Variants in ANK3 observed in about 807,000 individuals in gnomAD.
The protein encoded by ANK3 is ankyrin-3.
ANK3 carries 57 observed loss-of-function variants against 370.9 expected under a neutral mutation model. The ratio of observed to expected loss-of-function variants is 0.15; its 90% CI spans 0.12 to 0.19. The LOEUF is 0.19. ANK3 is among the 10% of genes least tolerant of loss of function. The pLI is 1.00. For missense variants in ANK3, 4,439 were observed against 5,302.1 expected (o/e 0.84, Z 5.06); for synonymous variants, 1,929 against 1,946.3 (o/e 0.99, Z 0.23).
intron 1 of ANK3, among the ~76,000 whole-genome samples, chr10:60,378,552 G>A (rs750390941): frequency 6.6e-6 from 1 of 152,156 alleles, no homozygotes. Flanking sequence ...CATATCTACA[G>A]CCAACTGATT....
At position 60,083,485 on chromosome 10, in the gene ANK3, G is replaced by A. The variant is rs747585527; in HGVS notation, c.4200+7C>T. 8.1e-6 allele frequency: 13 copies of A among 1,607,784 alleles called. No individual in the cohort carries two copies. Among genetic ancestry groups the A allele is most frequent in the Non-Finnish European group, 1.7e-6 (2 of 1,177,066 alleles). On this transcript the variant is annotated splice_region_variant and intron_variant, in intron 33 of 43. Transcript: ENST00000280772. The stretch of plus-strand genomic sequence containing the variant: ...AATTCACAGATTCTCTGTTAAAGAT[G>A]ATTTACCTTGATGGAAAATGGCAGT...
At chr10:60,087,002 A>G in intron 29 of ANK3, 118 bp from the exon 30 acceptor site, 1 of 736,832 alleles carries the variant, frequency 1.4e-6, no homozygotes, top group Non-Finnish European at 2.1e-6. Flanking sequence ...AAAAAAAAAA[A>G]AAAAAAACCC....
At chr10:60,382,797 C>CTATA (rs5785442) in intron 1 of ANK3, among the ~76,000 whole-genome samples, 1,826 of 133,692 alleles carry the variant, frequency 0.014, 31 homozygotes, top group African/African-American at 0.038. Context: ...ATACCTAAAT[C>CTATA]TATATATATA....
chr10:60,398,901 T>G (rs1010849762), intron 2 of ANK3, among the ~76,000 whole-genome samples: 8 of 152,184 alleles, frequency 5.3e-5, no homozygotes, highest in Admixed American at 3.9e-4. Context: ...GTTCCTCCCC[T>G]AGGGTGGGGA....
At chr10:60,674,833 T>A (rs2079105063) in intron 1 of ANK3, among the ~76,000 whole-genome samples, 1 of 152,208 alleles carries the variant, frequency 6.6e-6, no homozygotes, top group Non-Finnish European at 1.5e-5. Context: ...TGGATGACCG[T>A]CTCATAACTG....
chr10:60,464,422 C>G lies in ANK3; in HGVS notation c.96+150764G>C, dbSNP rs115877630. Among the ~76,000 whole-genome samples, 1,382 of 152,164 alleles carry G rather than the reference C, an allele frequency of 9.1e-3. 23 individuals carry two copies. The highest frequency in any genetic ancestry group is 0.031 in the African/African-American group (1,298 of 41,506). On this transcript the variant is annotated intron_variant, in intron 2 of 43. Transcript: ENST00000373827. ...ACAAAGTAATAACCTGCTATTTATTCCAAGATATCTGACATAATTGGTCAA... is the reference window on the plus strand; with the variant it reads ...ACAAAGTAATAACCTGCTATTTATTGCAAGATATCTGACATAATTGGTCAA...
chr10:60,440,089 T>C (rs2064261695), intron 2 of ANK3, among the ~76,000 whole-genome samples: 1 of 152,128 alleles, frequency 6.6e-6, no homozygotes. Context: ...TATTCACAAG[T>C]CTGGCTGTTA....
intron 8 of ANK3, among the ~76,000 whole-genome samples, chr10:60,215,313 G>C (rs2096920103): frequency 6.6e-6 from 1 of 152,074 alleles, no homozygotes. Flanking sequence ...TAGGTTGCCT[G>C]TTCACTCTAA....
At chr10:60,637,714 T>C (rs1304730517) in intron 1 of ANK3, among the ~76,000 whole-genome samples, 3 of 152,136 alleles carry the variant, frequency 2.0e-5, no homozygotes, top group African/African-American at 7.2e-5. Flanking sequence ...AGAGATGACA[T>C]GAGAAAAATA....
intron 1 of ANK3, among the ~76,000 whole-genome samples, chr10:60,654,314 C>A (rs2078833461): frequency 6.6e-6 from 1 of 151,988 alleles, no homozygotes; most frequent in African/African-American, 2.4e-5. Flanking sequence ...TCTTGCTTTA[C>A]TACATTAATT....
At chr10:60,442,096 CTTTTTTT>C (rs34573283) in intron 2 of ANK3, among the ~76,000 whole-genome samples, 1 of 134,986 alleles carries the variant, frequency 7.4e-6, no homozygotes, top group African/African-American at 2.8e-5. Context: ...CTCCCATATA[CTTTTTTT>C]TTTTTTTTTT....
chr10:60,401,660 C>A (rs1246239245), intron 2 of ANK3, among the ~76,000 whole-genome samples: 2 of 152,122 alleles, frequency 1.3e-5, no homozygotes, highest in African/African-American at 4.8e-5. Flanking sequence ...TAATGAATAT[C>A]CATGCAAATC....
At chr10:60,189,825 T>C (rs1404101450) in intron 16 of ANK3, among the ~76,000 whole-genome samples, 7 of 152,220 alleles carry the variant, frequency 4.6e-5, no homozygotes, top group Non-Finnish European at 1.0e-4. Context: ...TAAAAGCAAA[T>C]GCAATTTGAA....
chr10:60,417,909 G>A (rs1227648099), intron 2 of ANK3, among the ~76,000 whole-genome samples: 1 of 151,904 alleles, frequency 6.6e-6, no homozygotes, highest in Non-Finnish European at 1.5e-5. Flanking sequence ...TACTTGAAAG[G>A]TTTTTTAAAA....
rs74763548 is a variant in ANK3, at chr10:60,396,658, T to C, written c.97-117019A>G. Among the ~76,000 whole-genome samples the C allele has an allele frequency of 1.4e-3, 207 of 152,340 alleles. 1 individual carries two copies. Among genetic ancestry groups the C allele is most frequent in the African/African-American group, 4.6e-3 (193 of 41,584 alleles). On this transcript the variant is annotated intron_variant, in intron 2 of 43. Transcript: ENST00000373827. ...TTTCATAGTCAAATGTAACATTCTA[T>C]GAAATGATTTCTTCTGATAATTCAA...
chr10:60,550,790 C>A (rs561605975), intron 2 of ANK3, among the ~76,000 whole-genome samples: 1 of 151,976 alleles, frequency 6.6e-6, no homozygotes. Flanking sequence ...TTTTACTTTG[C>A]GAGTTTTTCA....
At chr10:60,065,343 T>C (rs1206459919) in intron 38 of ANK3, among the ~76,000 whole-genome samples, 2 of 152,170 alleles carry the variant, frequency 1.3e-5, no homozygotes, top group Non-Finnish European at 2.9e-5. Flanking sequence ...TTTTTTTATA[T>C]TAAAACAATT....
intron 42 of ANK3, chr10:60,050,743 C>G (rs960864065): frequency 1.3e-5 from 2 of 152,026 alleles, no homozygotes; most frequent in African/African-American, 2.4e-5. Flanking sequence ...AGTGCTTCAA[C>G]AGACCTTTGT....
chr10:60,353,580 T>C (rs2057277612), intron 1 of ANK3, among the ~76,000 whole-genome samples: 1 of 152,156 alleles, frequency 6.6e-6, no homozygotes, highest in Non-Finnish European at 1.5e-5. Context: ...GTTTTGAAGA[T>C]GCTAGATGTA....
Sources: gnomAD v4.1 joint callset for allele counts (sites outside exome capture counted in the v4.1 genomes callset) on GRCh38, gnomAD v4.1.1 for gene constraint, MANE v1.5 for transcripts, NCBI Gene and HGNC (gene_info 2026-07-23, HGNC 2026-07-21) for gene names.